IL1RAPL1: variants seen among roughly 807,000 people sequenced by gnomAD.
The protein encoded by IL1RAPL1 is interleukin-1 receptor accessory protein-like 1.
IL1RAPL1 carries 3 observed loss-of-function variants against 48.4 expected under a neutral mutation model. The observed-to-expected ratio is 0.06, with a 90% CI of 0.03 to 0.16. The LOEUF (loss-of-function observed/expected upper bound fraction) is 0.16. Ranked by LOEUF, IL1RAPL1 falls within the 10% of genes least tolerant of loss-of-function variation. The pLI, the probability that IL1RAPL1 is intolerant of heterozygous loss-of-function variation, is 1.00. For missense variants in IL1RAPL1, 349 were observed against 530.6 expected (o/e 0.66, Z 3.36); for synonymous variants, 185 against 187.7 (o/e 0.99, Z 0.12).
At chrX:28,601,374 G>A (rs1251105872) in intron 1 of IL1RAPL1, among the ~76,000 whole-genome samples, 17 of 111,649 alleles carry the variant, frequency 1.5e-4, no homozygotes, top group African/African-American at 5.5e-4. Flanking sequence ...GCAGTGAGCT[G>A]AGATCATGCC....
At chrX:28,858,503 C>T (rs1601934051) in intron 2 of IL1RAPL1, among the ~76,000 whole-genome samples, 2 of 112,151 alleles carry the variant, frequency 1.8e-5, no homozygotes, top group East Asian at 5.6e-4. Flanking sequence ...TCAGCAGCCA[C>T]CAACATTGAG....
chrX:29,803,369 G>A (rs780001622), intron 6 of IL1RAPL1, among the ~76,000 whole-genome samples: 1 of 83,824 alleles, frequency 1.2e-5, no homozygotes, highest in Non-Finnish European at 2.3e-5. Context: ...ATACACATAT[G>A]TATATATGTA....
At chrX:29,676,143 A>C (rs1400685309) in intron 6 of IL1RAPL1, among the ~76,000 whole-genome samples, 3 of 111,706 alleles carry the variant, frequency 2.7e-5, no homozygotes, top group Non-Finnish European at 3.8e-5. Context: ...ACCAGCTTTC[A>C]GTTTCCTAAT....
intron 5 of IL1RAPL1, among the ~76,000 whole-genome samples, chrX:29,447,395 G>A (rs1398830865): frequency 9.1e-6 from 1 of 109,425 alleles, no homozygotes; most frequent in African/African-American, 3.3e-5. Context: ...TATTTCCTCT[G>A]AAGAGGGACA....
intron 1 of IL1RAPL1, among the ~76,000 whole-genome samples, chrX:28,598,789 C>T (rs1352677613): frequency 1.8e-5 from 2 of 108,863 alleles, no homozygotes; most frequent in Admixed American, 9.6e-5. Flanking sequence ...CCACCACACC[C>T]GGCTAATTTT....
At chrX:29,042,774 T>C (rs752548590) in intron 2 of IL1RAPL1, among the ~76,000 whole-genome samples, 2 of 111,908 alleles carry the variant, frequency 1.8e-5, no homozygotes, top group African/African-American at 6.5e-5. Context: ...AATAATAAAT[T>C]GGCTCTCTGC....
At chrX:28,950,373 T>C (rs1427832018) in intron 2 of IL1RAPL1, among the ~76,000 whole-genome samples, 6 of 85,532 alleles carry the variant, frequency 7.0e-5, no homozygotes, top group Non-Finnish European at 1.4e-4. Context: ...TCAGGTAGCA[T>C]GATGCCTCCA....
chrX:29,426,161 T>C (rs1193389999), intron 5 of IL1RAPL1, among the ~76,000 whole-genome samples: 1 of 112,016 alleles, frequency 8.9e-6, no homozygotes, highest in East Asian at 2.8e-4. Context: ...ATGTAAATAA[T>C]TGAACTAAAT....
chrX:29,869,516 A>C (rs890124505), intron 6 of IL1RAPL1, among the ~76,000 whole-genome samples: 7 of 111,566 alleles, frequency 6.3e-5, no homozygotes, highest in African/African-American at 2.0e-4. Context: ...GGGCTTCAAC[A>C]AAAGCTAAGA....
At chrX:29,461,603 A>G (rs1226832479) in intron 5 of IL1RAPL1, among the ~76,000 whole-genome samples, 1 of 111,174 alleles carries the variant, frequency 9.0e-6, no homozygotes, top group East Asian at 2.8e-4. Context: ...CAAAACTGTA[A>G]ACTCTCCGAA....
intron 2 of IL1RAPL1, among the ~76,000 whole-genome samples, chrX:29,015,739 G>A (rs1243315522): frequency 1.8e-5 from 2 of 110,588 alleles, no homozygotes; most frequent in African/African-American, 6.6e-5. Context: ...AAAGTCTAAT[G>A]TTCTTTGGGG....
chrX:28,990,778 A>G (rs914108785), intron 2 of IL1RAPL1, among the ~76,000 whole-genome samples: 1 of 111,760 alleles, frequency 8.9e-6, no homozygotes, highest in Non-Finnish European at 1.9e-5. Flanking sequence ...TCACCCAACA[A>G]TGATGGTATC....
intron 5 of IL1RAPL1, among the ~76,000 whole-genome samples, chrX:29,635,731 A>G (rs1354309102): frequency 9.1e-6 from 1 of 110,410 alleles, no homozygotes; most frequent in African/African-American, 3.3e-5. Context: ...ATAGAAGAAA[A>G]TCATTTTCAG....
chrX:28,895,937 A>G (rs1922906059), intron 2 of IL1RAPL1, among the ~76,000 whole-genome samples: 1 of 112,116 alleles, frequency 8.9e-6, no homozygotes, highest in South Asian at 3.7e-4. Flanking sequence ...AGTGGCTCCC[A>G]GGTGAGTTGA....
intron 3 of IL1RAPL1, among the ~76,000 whole-genome samples, chrX:29,340,208 A>G (rs1016956082): frequency 2.1e-4 from 24 of 111,862 alleles, no homozygotes; most frequent in African/African-American, 7.5e-4. Context: ...AGTCATTTTA[A>G]AGTGAAACAT....
At chrX:29,283,392 G>C (rs1277099200) in intron 3 of IL1RAPL1, among the ~76,000 whole-genome samples, 175 bp downstream of exon 3, 3 of 112,164 alleles carry the variant, frequency 2.7e-5, no homozygotes, top group African/African-American at 9.7e-5. Flanking sequence ...ATTTATATTA[G>C]ACATTATTTC....
chrX:29,065,149 A>G (rs189879643), intron 2 of IL1RAPL1, among the ~76,000 whole-genome samples: 179 of 97,926 alleles, frequency 1.8e-3, no homozygotes, highest in African/African-American at 6.3e-3. Flanking sequence ...AATTGCCTTT[A>G]TACTTTTTTT....
intron 5 of IL1RAPL1, among the ~76,000 whole-genome samples, chrX:29,528,627 T>G (rs1350650891): frequency 2.7e-5 from 3 of 112,158 alleles, no homozygotes; most frequent in Admixed American, 9.4e-5. Flanking sequence ...CTCCATAAAC[T>G]CTCTCACACT....
intron 6 of IL1RAPL1, among the ~76,000 whole-genome samples, chrX:29,762,680 C>G (rs1229152079): frequency 8.9e-6 from 1 of 111,882 alleles, no homozygotes; most frequent in East Asian, 2.8e-4. Flanking sequence ...ATAATTTTGT[C>G]TGATTTTCTT....
Sources: allele counts gnomAD v4.1 joint callset (sites outside exome capture counted in the v4.1 genomes callset), GRCh38; gene constraint gnomAD v4.1.1; transcripts MANE v1.5; gene names NCBI Gene and HGNC (gene_info 2026-07-23, HGNC 2026-07-21).